The following CCDC192 variants were observed in gnomAD, a reference collection of about 807,000 sequenced individuals.
CCDC192 encodes the protein coiled-coil domain-containing protein 192.
chr5:127,746,555 T>G (rs1400813455), intron 2 of CCDC192, among the ~76,000 whole-genome samples: 1 of 152,166 alleles, frequency 6.6e-6, no homozygotes, highest in African/African-American at 2.4e-5. Flanking sequence ...CTGCATATAA[T>G]GTCTTACAAC....
chr5:127,910,756 G>T (rs1753323135), intron 6 of CCDC192, among the ~76,000 whole-genome samples: 1 of 152,272 alleles, frequency 6.6e-6, no homozygotes, highest in South Asian at 2.1e-4. Context: ...TATTTCACAT[G>T]ACCCCATACA....
intron 3 of CCDC192, among the ~76,000 whole-genome samples, chr5:127,766,914 G>A (rs1755260513): frequency 6.6e-6 from 1 of 152,190 alleles, no homozygotes; most frequent in East Asian, 1.9e-4. Context: ...GGGAACAGTT[G>A]CCTTCCTCAT....
chr5:127,735,309 C>A (rs1214984093), intron 2 of CCDC192, among the ~76,000 whole-genome samples: 2 of 139,444 alleles, frequency 1.4e-5, no homozygotes, highest in African/African-American at 5.7e-5. Flanking sequence ...GTACCAGTAC[C>A]ATGCTGTTTT....
chr5:127,905,126 A>T (rs1019540107), intron 6 of CCDC192, among the ~76,000 whole-genome samples: 2 of 152,082 alleles, frequency 1.3e-5, no homozygotes, highest in African/African-American at 4.8e-5. Context: ...TAAAAAATAA[A>T]TTTTTATGTC....
At chr5:127,901,835 A>G (rs1753046536) in intron 6 of CCDC192, among the ~76,000 whole-genome samples, 3 of 152,294 alleles carry the variant, frequency 2.0e-5, no homozygotes, top group African/African-American at 7.2e-5. Context: ...GTATTCTGCA[A>G]CTTTATTTTG....
intron 6 of CCDC192, among the ~76,000 whole-genome samples, chr5:127,901,773 G>T (rs930245444): frequency 6.6e-6 from 1 of 152,122 alleles, no homozygotes; most frequent in Non-Finnish European, 1.5e-5. Context: ...GTATTTTATA[G>T]GCTGCTGCTA....
At chr5:127,756,240 C>G (rs1754585356) in intron 3 of CCDC192, among the ~76,000 whole-genome samples, 1 of 152,088 alleles carries the variant, frequency 6.6e-6, no homozygotes, top group South Asian at 2.1e-4. Flanking sequence ...GCTGCCTAGA[C>G]AGAATCGATT....
chr5:127,829,120 G>A (rs1749671726), intron 5 of CCDC192, among the ~76,000 whole-genome samples: 1 of 152,164 alleles, frequency 6.6e-6, no homozygotes, highest in South Asian at 2.1e-4. Flanking sequence ...CCAAGAGCTT[G>A]GGCCAGAGAG....
intron 5 of CCDC192, 81 bp from the exon 6 acceptor site, chr5:127,875,457 G>A (rs1183304741): frequency 2.5e-6 from 1 of 393,852 alleles, no homozygotes; most frequent in African/African-American, 2.1e-5. Context: ...GGCAGTGTTT[G>A]TTCAGACATC....
In CCDC192 at chr5:127,764,672, TAGA is replaced by T. The variant is rs149259568; in HGVS notation, c.222+10308_222+10310del. ...ATCTTTTGGCTTCTCTTGGCCACATTAGAAGAAGAAGAATTGTCTTGGGGCACT... is the reference window on the plus strand; with the variant it reads ...ATCTTTTGGCTTCTCTTGGCCACATTAGAAGAAGAATTGTCTTGGGGCACT... On this transcript the variant is annotated intron_variant, in intron 3 of 6. Coordinates refer to ENST00000514853, the MANE Select transcript of CCDC192 (RefSeq NM_001317938.2). Among the ~76,000 whole-genome samples the T allele has an allele frequency of 7.0e-3, 1,062 of 152,144 alleles. 14 individuals carry two copies. The highest frequency in any genetic ancestry group is 0.024 in the African/African-American group (999 of 41,478).
At chr5:127,722,813 T>C (rs376078148) in intron 2 of CCDC192, among the ~76,000 whole-genome samples, 2 of 152,216 alleles carry the variant, frequency 1.3e-5, no homozygotes, top group South Asian at 4.1e-4. Flanking sequence ...GCTCCATTTG[T>C]CTGTTTTCAT....
chr5:127,707,984 G>A (rs947179395), intron 2 of CCDC192, among the ~76,000 whole-genome samples: 1 of 151,990 alleles, frequency 6.6e-6, no homozygotes, highest in Admixed American at 6.6e-5. Context: ...CTTTGGAAAA[G>A]TTACATGTGA....
chr5:127,936,452 T>C (rs973391898), intron 6 of CCDC192, among the ~76,000 whole-genome samples: 3 of 152,224 alleles, frequency 2.0e-5, no homozygotes, highest in Non-Finnish European at 4.4e-5. Flanking sequence ...GGCAGAATGC[T>C]GGGACTGCCT....
intron 3 of CCDC192, chr5:127,786,876 AC>A: frequency 2.2e-6 from 1 of 461,054 alleles, no homozygotes; most frequent in African/African-American, 2.0e-5. Context: ...TGACTGGTGT[AC>A]ACTAGCACAC....
chr5:127,827,968 G>A (rs1409605899), intron 5 of CCDC192, among the ~76,000 whole-genome samples: 4 of 152,038 alleles, frequency 2.6e-5, no homozygotes, highest in South Asian at 2.1e-4. Flanking sequence ...GTGCAGTGGC[G>A]CGATCTCTGC....
At chr5:127,831,015 G>C (rs971516114) in intron 5 of CCDC192, among the ~76,000 whole-genome samples, 1 of 152,072 alleles carries the variant, frequency 6.6e-6, no homozygotes, top group Non-Finnish European at 1.5e-5. Context: ...AAACCTCCAG[G>C]GCTGGCGAGT....
intron 2 of CCDC192, among the ~76,000 whole-genome samples, chr5:127,708,084 T>C (rs1751073094): frequency 6.6e-6 from 1 of 152,226 alleles, no homozygotes; most frequent in African/African-American, 2.4e-5. Flanking sequence ...TGGGCTATTT[T>C]TGAAGTGTCA....
At chr5:127,868,444 A>G (rs1751705239) in intron 5 of CCDC192, among the ~76,000 whole-genome samples, 1 of 152,178 alleles carries the variant, frequency 6.6e-6, no homozygotes, top group Non-Finnish European at 1.5e-5. Flanking sequence ...TTTGTCCTCT[A>G]AGAGGGCATC....
intron 2 of CCDC192, among the ~76,000 whole-genome samples, chr5:127,718,289 A>G (rs1168925108): frequency 6.6e-6 from 1 of 152,248 alleles, no homozygotes; most frequent in Non-Finnish European, 1.5e-5. Flanking sequence ...TGGCACTGAA[A>G]CAGATTGTTT....
Sources: gnomAD v4.1 joint callset for allele counts (sites outside exome capture counted in the v4.1 genomes callset) on GRCh38, gnomAD v4.1.1 for gene constraint, MANE v1.5 for transcripts, NCBI Gene and HGNC (gene_info 2026-07-23, HGNC 2026-07-21) for gene names.